The following SLC24A2 variants were observed in gnomAD, a reference collection of about 807,000 sequenced individuals.
The protein encoded by SLC24A2 is solute carrier family 24 member 2, also known as sodium/potassium/calcium exchanger 2.
SLC24A2 carries 36 observed loss-of-function variants against 62.0 expected under a neutral mutation model. That is an observed-to-expected ratio of 0.58 (90% confidence interval 0.44 to 0.77). SLC24A2 has a LOEUF of 0.77. Ranked by LOEUF, SLC24A2 falls within the 30% of genes least tolerant of loss-of-function variation. SLC24A2 has a pLI of 0.00. For missense variants in SLC24A2, 846 were observed against 817.9 expected (o/e 1.03, Z -0.42); for synonymous variants, 358 against 294.0 (o/e 1.22, Z -2.23).
intron 4 of SLC24A2, among the ~76,000 whole-genome samples, chr9:19,607,416 T>C (rs1221577201): frequency 6.6e-6 from 1 of 152,112 alleles, no homozygotes; most frequent in Non-Finnish European, 1.5e-5. Context: ...TCAAATGCCA[T>C]CAAAATCATT....
the SLC24A2 span, among the ~76,000 whole-genome samples, chr9:19,983,363 G>A: frequency 7.1e-3 from 1,085 of 152,270 alleles, 17 homozygotes; most frequent in African/African-American, 0.025. Flanking sequence ...ACTCAGCTGT[G>A]GCTGGGCACG....
the SLC24A2 span, among the ~76,000 whole-genome samples, chr9:20,000,550 G>A: frequency 6.6e-6 from 1 of 152,206 alleles, no homozygotes; most frequent in Non-Finnish European, 1.5e-5. Flanking sequence ...ACGGCCCTGA[G>A]AATAGACCAC....
the SLC24A2 span, among the ~76,000 whole-genome samples, chr9:20,166,999 C>A: frequency 2.6e-5 from 4 of 152,066 alleles, no homozygotes; most frequent in Admixed American, 6.5e-5. Flanking sequence ...CACCACCACA[C>A]CCAGCTCTTT....
At chr9:20,167,150 C>T in the SLC24A2 span, among the ~76,000 whole-genome samples, 1 of 151,968 alleles carries the variant, frequency 6.6e-6, no homozygotes, top group Admixed American at 6.6e-5. Context: ...TGTAAACACA[C>T]TGAATGGGAA....
chr9:19,937,648 T>C, the SLC24A2 span, among the ~76,000 whole-genome samples: 2 of 151,210 alleles, frequency 1.3e-5, no homozygotes, highest in Admixed American at 6.6e-5. Flanking sequence ...ATGTTGTCTG[T>C]TGAAATATAT....
chr9:19,814,798 G>T, the SLC24A2 span, among the ~76,000 whole-genome samples: 18,950 of 152,140 alleles, frequency 0.12, 2,570 homozygotes, highest in African/African-American at 0.34. Context: ...GCAGGTTCCT[G>T]TCTATGAAGT....
the SLC24A2 span, among the ~76,000 whole-genome samples, chr9:20,249,282 T>C: frequency 6.6e-5 from 10 of 152,180 alleles, no homozygotes; most frequent in Non-Finnish European, 1.5e-4. Context: ...TGATTATAAT[T>C]ATCACAGCTC....
At chr9:19,612,386 C>T (rs1011502600) in intron 4 of SLC24A2, among the ~76,000 whole-genome samples, 8 of 152,122 alleles carry the variant, frequency 5.3e-5, no homozygotes, top group Admixed American at 2.0e-4. Context: ...TGCTATGTTG[C>T]CCAGGCTGCT....
the SLC24A2 span, among the ~76,000 whole-genome samples, chr9:19,843,783 T>C: frequency 1.3e-5 from 2 of 152,166 alleles, no homozygotes; most frequent in Non-Finnish European, 2.9e-5. Context: ...ATATTTGGTA[T>C]TCTGTTCCTG....
At chr9:20,294,170 C>T in the SLC24A2 span, among the ~76,000 whole-genome samples, 3 of 152,132 alleles carry the variant, frequency 2.0e-5, no homozygotes, top group African/African-American at 7.2e-5. Context: ...CACAGCCACA[C>T]CCTGTAGTGC....
At chr9:19,968,201 T>C in the SLC24A2 span, among the ~76,000 whole-genome samples, 2 of 152,228 alleles carry the variant, frequency 1.3e-5, no homozygotes, top group Non-Finnish European at 2.9e-5. Context: ...ATCTTTGTTA[T>C]GCTAACTCTG....
At chr9:20,056,883 T>C in the SLC24A2 span, among the ~76,000 whole-genome samples, 2 of 152,218 alleles carry the variant, frequency 1.3e-5, no homozygotes, top group Non-Finnish European at 2.9e-5. Context: ...AATAAAAATT[T>C]AAAAAACCCC....
chr9:20,078,742 T>TA, the SLC24A2 span, among the ~76,000 whole-genome samples: 1 of 152,164 alleles, frequency 6.6e-6, no homozygotes, highest in South Asian at 2.1e-4. Flanking sequence ...CAGGTTGCCG[T>TA]AACCTAAAGA....
chr9:19,936,335 A>G, the SLC24A2 span, among the ~76,000 whole-genome samples: 2 of 152,158 alleles, frequency 1.3e-5, no homozygotes, highest in African/African-American at 4.8e-5. Flanking sequence ...GTAGGGTGAC[A>G]TGATCAGGGC....
intron 2 of SLC24A2, among the ~76,000 whole-genome samples, chr9:19,776,553 A>C (rs1380334718): frequency 1.3e-5 from 2 of 152,180 alleles, no homozygotes; most frequent in Non-Finnish European, 2.9e-5. Flanking sequence ...GAAGCCACAA[A>C]TGCTGAGGCG....
the SLC24A2 span, among the ~76,000 whole-genome samples, chr9:20,022,785 GCA>G: frequency 6.6e-6 from 1 of 152,150 alleles, no homozygotes; most frequent in African/African-American, 2.4e-5. Context: ...GCCTTGAATG[GCA>G]TATGTTCCCT....
chr9:19,630,458 T>C (rs1818149031), intron 2 of SLC24A2, among the ~76,000 whole-genome samples: 2 of 152,162 alleles, frequency 1.3e-5, no homozygotes, highest in Admixed American at 1.3e-4. Flanking sequence ...TAAGAAACTT[T>C]GAACCTCAAA....
intron 7 of SLC24A2, among the ~76,000 whole-genome samples, chr9:19,560,329 A>T (rs1586959904): frequency 8.1e-6 from 1 of 122,828 alleles, no homozygotes; most frequent in East Asian, 2.9e-4. Context: ...ATATTCCCAA[A>T]CTCTACTCTC....
chr9:20,064,312 G>A, the SLC24A2 span, among the ~76,000 whole-genome samples: 1 of 152,144 alleles, frequency 6.6e-6, no homozygotes, highest in African/African-American at 2.4e-5. Context: ...GCTGGGGCTG[G>A]GAGTGTGTGA....
Sources: gnomAD v4.1 joint callset for allele counts (sites outside exome capture counted in the v4.1 genomes callset) on GRCh38, gnomAD v4.1.1 for gene constraint, MANE v1.5 for transcripts, NCBI Gene and HGNC (gene_info 2026-07-23, HGNC 2026-07-21) for gene names.